Variants in MFSD8 observed in about 807,000 individuals in gnomAD.
MFSD8 encodes major facilitator superfamily domain-containing protein 8.
A neutral mutation model predicts 66.4 loss-of-function variants in MFSD8; 55 were observed. That is an observed-to-expected ratio of 0.83 (90% CI 0.67 to 1.04). MFSD8 has a LOEUF of 1.04. Among genes scored for constraint, MFSD8 ranks in the 50% least tolerant of loss-of-function variants. The probability of loss-of-function intolerance (pLI) is 0.00; values close to 1 mark genes in which losing one functional copy is unlikely to be tolerated. For missense variants in MFSD8, 550 were observed against 627.6 expected, an observed-to-expected ratio of 0.88 and a Z score of 1.32; for synonymous variants, 202 against 212.8, an observed-to-expected ratio of 0.95 and a Z score of 0.44.
At chr4:127,964,178 G>A (rs2149000508) in intron 1 of MFSD8, among the ~76,000 whole-genome samples, 1 of 152,384 alleles carries the variant, frequency 6.6e-6, no homozygotes, top group African/African-American at 2.4e-5. Context: ...GCTTCGCCCA[G>A]TGGATCCCGC....
chr4:127,943,961 C>G lies in MFSD8; in HGVS notation c.230G>C (p.Gly77Ala), dbSNP rs886043062. 1.2e-6 allele frequency: 2 copies of G among 1,613,948 alleles called. No individual in the cohort carries two copies. Among genetic ancestry groups the G allele is most frequent in the African/African-American group, 2.7e-5 (2 of 74,884 alleles). Residue 77 changes from glycine to alanine, a missense_variant, in exon 4 of 12, where the codon GGC (glycine) becomes GCC (alanine). Gly to Ala is a moderately conservative substitution (Grantham distance 60). Transcript: ENST00000641686. ...AAGACTATATGAAGCAATAACCCAGCCCAAAAAACTTGTATCAGCTGTCGG... is the reference window on the plus strand; with the variant it reads ...AAGACTATATGAAGCAATAACCCAGGCCAAAAAACTTGTATCAGCTGTCGG... Reference protein sequence around the residue: ...IDPTADTSFLGWVIASYSLGQ... With the variant: ...IDPTADTSFLAWVIASYSLGQ...
At chr4:127,963,380 T>G (rs1744137440) in intron 1 of MFSD8, among the ~76,000 whole-genome samples, 1 of 152,198 alleles carries the variant, frequency 6.6e-6, no homozygotes, top group African/African-American at 2.4e-5. Flanking sequence ...TGTGGTGGCT[T>G]TGTGTCCGGG....
At chr4:127,962,225 T>C (rs1430541578) in intron 1 of MFSD8, among the ~76,000 whole-genome samples, 1 of 152,132 alleles carries the variant, frequency 6.6e-6, no homozygotes, top group Non-Finnish European at 1.5e-5. Context: ...ACCAGCACTT[T>C]GGGAGGCTGA....
chr4:127,921,606 G>C lies in MFSD8; in HGVS notation c.1268C>G (p.Ala423Gly), dbSNP rs3733319. 6.2e-7 allele frequency: 1 copy of C among 1,614,080 alleles called. No individual in the cohort carries two copies. Among genetic ancestry groups the C allele is most frequent in the Non-Finnish European group, 8.5e-7 (1 of 1,180,020 alleles). Residue 423 changes from alanine (A) to glycine (G), a missense_variant, in exon 11 of 12, where the codon GCT (alanine) becomes GGT (glycine). Physicochemically the swap from Ala to Gly is moderately conservative, Grantham distance 60. Transcript: ENST00000641686. ...VIHLAQFLTS[A>G]VLIGLGYPVC... is the part of the protein sequence containing the mutation. ...TGGATAGCCTAATCCTATTAGCACA[G>C]CTGATGTAAGGAACTGGGCCAGATG...
chr4:127,930,029 G>C lies in MFSD8; in HGVS notation c.998+654C>G, dbSNP rs923812527. 3.3e-5 allele frequency among the ~76,000 whole-genome samples: 5 copies of C among 152,152 alleles called. No individual in the cohort carries two copies. In the South Asian group the frequency reaches 1.0e-3, roughly 32 times the overall value. On this transcript the variant is annotated intron_variant, in intron 9 of 11. Transcript: ENST00000641686. ...AGACTGAGGCTGGAGGATTGCGTGA[G>C]CCCAGGAATGAGACTAGCCTGGGCA...
At chr4:127,928,571 T>G (rs1737598845) in intron 9 of MFSD8, among the ~76,000 whole-genome samples, 1 of 152,164 alleles carries the variant, frequency 6.6e-6, no homozygotes, top group Non-Finnish European at 1.5e-5. Flanking sequence ...TAAAATGGCT[T>G]TAATCAAAAA....
At chr4:127,928,491 A>C (rs1737587641) in intron 9 of MFSD8, among the ~76,000 whole-genome samples, 1 of 152,170 alleles carries the variant, frequency 6.6e-6, no homozygotes, top group Non-Finnish European at 1.5e-5. Context: ...GTAAATAAAA[A>C]ATGTTCGACA....
rs140954685 is a variant in MFSD8 at position 127,927,033 on chromosome 4, A to C, written c.998+3650T>G. ...TACAGTATACTGTATTTGGCAAATT[A>C]CATGAGATATCCAACACTTTATTAT... On this transcript the variant is annotated intron_variant, in intron 9 of 11. Transcript: ENST00000641686. Among the ~76,000 whole-genome samples, 134 of 152,372 alleles carry C rather than the reference A, an allele frequency of 8.8e-4. 2 individuals carry two copies. Among genetic ancestry groups the C allele is most frequent in the African/African-American group, 3.0e-3 (124 of 41,594 alleles).
chr4:127,922,915 A>T (rs369847583), intron 9 of MFSD8, among the ~76,000 whole-genome samples: 117 of 152,320 alleles, frequency 7.7e-4, no homozygotes, highest in African/African-American at 2.7e-3. Flanking sequence ...GGCTACTTAC[A>T]TGTTAAGAAG....
chr4:127,965,463 T>C (rs1744963796), upstream of MFSD8: 1 of 473,604 alleles, frequency 2.1e-6, no homozygotes, highest in Non-Finnish European at 3.9e-6. Flanking sequence ...CTCCTTCCGC[T>C]GTATCTAGCA....
intron 3 of MFSD8, among the ~76,000 whole-genome samples, chr4:127,946,137 C>A (rs1740994868): frequency 6.6e-6 from 1 of 151,976 alleles, no homozygotes; most frequent in Non-Finnish European, 1.5e-5. Context: ...GTTACCCAGG[C>A]TGGTCTTGAA....
chr4:127,950,848 A>G (rs181434619), intron 2 of MFSD8, among the ~76,000 whole-genome samples: 82 of 152,144 alleles, frequency 5.4e-4, no homozygotes, highest in African/African-American at 1.9e-3. Flanking sequence ...ACTTGAGGCC[A>G]GGAGTTTGAG....
Position 127,932,975 on chromosome 4 carries a change from TA to T in MFSD8, c.863+9del, listed in dbSNP as rs772276296. The T allele has an allele frequency of 6.3e-7, 1 of 1,598,504 alleles. No homozygotes were observed. The highest frequency in any genetic ancestry group is 1.7e-5 in the Admixed American group (1 of 59,964). ...TAATCTGATTCAGATGAAGATGGAA[TA>T]AAACTTACGTTTCAAAAAGGGCAAA... is the stretch of plus-strand genomic sequence containing the variant. On this transcript the variant is annotated intron_variant, in intron 8 of 11. Coordinates refer to ENST00000641686, the MANE Select transcript of MFSD8 (RefSeq NM_001371596.2).
At position 127,944,292 on chromosome 4, in the gene MFSD8, T is replaced by C. The variant is rs999291582; in HGVS notation, c.199-300A>G. Among the ~76,000 whole-genome samples, 31 of 152,302 alleles carry C rather than the reference T, an allele frequency of 2.0e-4. 1 individual carries two copies. The highest frequency in any genetic ancestry group is 2.0e-3 in the Admixed American group (30 of 15,296). ...TAATCACACACACTATATACGCATA[T>C]AGCAATAACATCATGAAAAATAATA... On this transcript the variant is annotated intron_variant, in intron 3 of 11. Transcript: ENST00000641686.
rs1387921148 is a variant in MFSD8, at chr4:127,943,995, G to A, written c.199-3C>T. On this transcript the variant is annotated splice_region_variant and splice_polypyrimidine_tract_variant and intron_variant, in intron 3 of 11. Transcript: ENST00000641686. ...CTTGTATCAGCTGTCGGATCAATCT[G>A]CAGAAAAAGGTACAGTGCTTTAAGA... 6.2e-7 allele frequency: 1 copy of A among 1,614,014 alleles called. No homozygotes were observed. Among genetic ancestry groups the A allele is most frequent in the Non-Finnish European group, 8.5e-7 (1 of 1,180,034 alleles).
Position 127,932,982 on chromosome 4 carries a change from T to TA in MFSD8, c.863+2dup. 5 of 1,606,274 alleles carry TA rather than the reference T, an allele frequency of 3.1e-6. No homozygotes were observed. The highest frequency in any genetic ancestry group is 4.3e-6 in the Non-Finnish European group (5 of 1,173,170). On this transcript the variant is annotated splice_region_variant and intron_variant, in intron 8 of 11. Transcript: ENST00000641686. ...ATTCAGATGAAGATGGAATAAAACT[T>TA]ACGTTTCAAAAAGGGCAAAGATAAA...
intron 5 of MFSD8, among the ~76,000 whole-genome samples, chr4:127,941,127 T>A (rs1740118111): frequency 6.6e-6 from 1 of 152,222 alleles, no homozygotes; most frequent in African/African-American, 2.4e-5. Flanking sequence ...CCTCATGTAC[T>A]TTACAATATA....
chr4:127,933,030 T>C lies in MFSD8; in HGVS notation c.818A>G (p.Asn273Ser), dbSNP rs143288262. The change falls in exon 8 of 12, where the codon AAT (asparagine) becomes AGT (serine). Residue 273 changes from asparagine (N) to serine (S), a missense_variant. Coordinates refer to ENST00000641686, the MANE Select transcript of MFSD8 (RefSeq NM_001371596.2). Reference protein sequence around the residue: ...NIDQVAVVAINVLFFVTLFIF... With the variant: ...NIDQVAVVAISVLFFVTLFIF... ...AAATAGAGTCACAAAAAACAGAACA[T>C]TGATGGCCACAACAGCAACCTGGTC... 8.7e-6 allele frequency: 14 copies of C among 1,613,782 alleles called. No individual in the cohort carries two copies. Among genetic ancestry groups the C allele is most frequent in the African/African-American group, 5.3e-5 (4 of 75,018 alleles).
rs974829587 is a variant in MFSD8, at chr4:127,932,910, T to C, written c.863+75A>G. 15 of 1,328,960 alleles carry C rather than the reference T, an allele frequency of 1.1e-5. No individual in the cohort carries two copies. In the East Asian group the frequency reaches 2.8e-4, roughly 25 times the overall value. The allele number at this position is 1,328,960 out of a possible 1,614,324, so 82.3% of individuals were successfully genotyped here. On this transcript the variant is annotated intron_variant, in intron 8 of 11. Coordinates refer to ENST00000641686, the MANE Select transcript of MFSD8 (RefSeq NM_001371596.2). ...CATAAGATTTTCAATAACATCTATA[T>C]GCCTAATTAACATTGCATTAAGAAA... is the stretch of plus-strand genomic sequence containing the variant.
Sources: allele counts gnomAD v4.1 joint callset (sites outside exome capture counted in the v4.1 genomes callset), GRCh38; gene constraint gnomAD v4.1.1; transcripts MANE v1.5; gene names NCBI Gene and HGNC (gene_info 2026-07-23, HGNC 2026-07-21).